The following SLC44A1 variants were observed in gnomAD, a reference collection of about 807,000 sequenced individuals.
SLC44A1 encodes solute carrier family 44 member 1.
In SLC44A1, 26 loss-of-function variants were observed where a neutral mutation model predicts 79.3. The observed-to-expected ratio is 0.33, with a 90% CI of 0.24 to 0.46. The LOEUF (loss-of-function observed/expected upper bound fraction) is 0.46. Among genes scored for constraint, SLC44A1 ranks in the 20% least tolerant of loss-of-function variants. SLC44A1 has a pLI of 1.00. For missense variants in SLC44A1, 688 were observed against 798.1 expected (o/e 0.86, Z 1.66); for synonymous variants, 263 against 286.2 (o/e 0.92, Z 0.82).
At position 105,413,411 on chromosome 9, in the gene SLC44A1, G is replaced by C. The variant is rs113110538; in HGVS notation, c.1951-24870G>C. ...ATTTCGCCTTCCCAATATAGGTGCC[G>C]CCCATCTTCCTGGTTTTCCCCTTCT... On this transcript the variant is annotated intron_variant, in intron 15 of 15. Coordinates refer to the SLC44A1 transcript ENST00000374724. Among the ~76,000 whole-genome samples, 217 of 152,248 alleles carry C rather than the reference G, an allele frequency of 1.4e-3. 1 individual carries two copies. Among genetic ancestry groups the C allele is most frequent in the Middle Eastern group, 0.014 (4 of 294 alleles).
At chr9:105,253,784 A>G (rs7020772) in intron 1 of SLC44A1, among the ~76,000 whole-genome samples, 28,657 of 151,912 alleles carry the variant, frequency 0.19, 4,452 homozygotes, top group African/African-American at 0.43. Flanking sequence ...GAGTGCAGTG[A>G]CACAATCTCA....
At chr9:105,428,946 C>T (rs972000336) in intron 15 of SLC44A1, among the ~76,000 whole-genome samples, 3 of 152,200 alleles carry the variant, frequency 2.0e-5, no homozygotes, top group Admixed American at 6.5e-5. Context: ...CCTCGTGATC[C>T]GCCTGCCTTA....
At chr9:105,278,415 A>G (rs1017611180) in intron 1 of SLC44A1, among the ~76,000 whole-genome samples, 1 of 151,950 alleles carries the variant, frequency 6.6e-6, no homozygotes, top group Non-Finnish European at 1.5e-5. Flanking sequence ...CGCCCGGTTA[A>G]TTTTTTGTAT....
chr9:105,334,764 C>T (rs978115618), intron 3 of SLC44A1, among the ~76,000 whole-genome samples: 17 of 152,156 alleles, frequency 1.1e-4, no homozygotes, highest in Admixed American at 2.6e-4. Context: ...AAAATACATG[C>T]TTTGGCGTGC....
Position 105,394,613 on chromosome 9 carries a change from T to C in SLC44A1, c.*5557T>C. On this transcript the variant is annotated 3_prime_UTR_variant, in exon 16 of 16. Coordinates refer to ENST00000374720, the MANE Select transcript of SLC44A1 (RefSeq NM_080546.5). ...TTATTGTAGCTCAGCTATGACATTA[T>C]GACATTATGTGGCTTAGTGTTATCA... The C allele has an allele frequency of 1.0e-6, 1 of 985,362 alleles. No homozygotes were observed. The highest frequency in any genetic ancestry group is 1.2e-6 in the Non-Finnish European group (1 of 829,864). The allele number at this position is 985,362 out of a possible 1,614,324, so 61.0% of individuals were successfully genotyped here.
chr9:105,434,217 G>A (rs1417324078), intron 15 of SLC44A1, among the ~76,000 whole-genome samples: 1 of 152,026 alleles, frequency 6.6e-6, no homozygotes, highest in Non-Finnish European at 1.5e-5. Flanking sequence ...ATGCATGCCC[G>A]TAATCCCAGC....
intron 3 of SLC44A1, among the ~76,000 whole-genome samples, chr9:105,331,274 TAA>T (rs1826740709): frequency 2.0e-5 from 3 of 152,166 alleles, no homozygotes; most frequent in Non-Finnish European, 4.4e-5. Flanking sequence ...CCAAGGCACA[TAA>T]TCAGAGTTGG....
chr9:105,386,171 T>C (rs1007626055), intron 15 of SLC44A1: 69 of 981,770 alleles, frequency 7.0e-5, no homozygotes, highest in Non-Finnish European at 8.3e-5. Flanking sequence ...TGTACACAAA[T>C]ATATCTCTCT....
At chr9:105,433,142 A>T (rs900222668) in intron 15 of SLC44A1, among the ~76,000 whole-genome samples, 2 of 152,042 alleles carry the variant, frequency 1.3e-5, no homozygotes, top group African/African-American at 4.8e-5. Context: ...CTAAAAATAC[A>T]AAAATTAGCC....
intron 2 of SLC44A1, among the ~76,000 whole-genome samples, chr9:105,306,155 G>A (rs1026411658): frequency 3.9e-5 from 6 of 152,232 alleles, no homozygotes; most frequent in East Asian, 1.9e-4. Context: ...CATTTTAGCC[G>A]TGGTTTTCTT....
intron 4 of SLC44A1, among the ~76,000 whole-genome samples, chr9:105,341,335 C>CAA (rs529318721): frequency 1.2e-3 from 79 of 65,190 alleles, no homozygotes; most frequent in African/African-American, 3.3e-3. Context: ...AACTTCGTCT[C>CAA]AAAAAAAAAA....
intron 2 of SLC44A1, among the ~76,000 whole-genome samples, 176 bp downstream of exon 2, chr9:105,299,485 T>A (rs546408780): frequency 6.6e-6 from 1 of 152,368 alleles, no homozygotes; most frequent in East Asian, 1.9e-4. Context: ...AAGGAGCAGC[T>A]GGGACTCATA....
At chr9:105,374,780 T>C in intron 13 of SLC44A1, 45 bp downstream of exon 13, 1 of 1,458,158 alleles carries the variant, frequency 6.9e-7, no homozygotes, top group Non-Finnish European at 9.5e-7. Context: ...AAATTTTGCA[T>C]ATATTTATTT....
At chr9:105,420,899 A>C (rs532551838) in intron 15 of SLC44A1, among the ~76,000 whole-genome samples, 4 of 148,798 alleles carry the variant, frequency 2.7e-5, no homozygotes, top group African/African-American at 9.8e-5. Flanking sequence ...AGGATGGTCT[A>C]GATAGACGTG....
At chr9:105,269,061 T>C (rs1446089049) in intron 1 of SLC44A1, among the ~76,000 whole-genome samples, 1 of 152,210 alleles carries the variant, frequency 6.6e-6, no homozygotes, top group Non-Finnish European at 1.5e-5. Flanking sequence ...TGCCCAGCTT[T>C]ATAGACTGTC....
At chr9:105,246,838 T>G (rs1829465134) in intron 1 of SLC44A1, among the ~76,000 whole-genome samples, 2 of 152,214 alleles carry the variant, frequency 1.3e-5, no homozygotes, top group African/African-American at 2.4e-5. Context: ...TAGTGGGTCT[T>G]GCATTTGTCT....
At chr9:105,350,007 C>G (rs1389523738) in intron 5 of SLC44A1, among the ~76,000 whole-genome samples, 1 of 152,138 alleles carries the variant, frequency 6.6e-6, no homozygotes, top group Non-Finnish European at 1.5e-5. Flanking sequence ...TAGGGGTATT[C>G]ACTGGAAGAC....
intron 1 of SLC44A1, among the ~76,000 whole-genome samples, chr9:105,279,860 T>A (rs1830310022): frequency 6.6e-6 from 1 of 152,218 alleles, no homozygotes; most frequent in African/African-American, 2.4e-5. Flanking sequence ...GTGCTGTATT[T>A]GGTAAGTATA....
chr9:105,414,085 CAG>C (rs1309905814), intron 15 of SLC44A1, among the ~76,000 whole-genome samples: 9 of 146,206 alleles, frequency 6.2e-5, no homozygotes, highest in African/African-American at 2.3e-4. Context: ...TTTTTTGAGA[CAG>C]AGTCTTGCTC....
Sources: allele counts gnomAD v4.1 joint callset (sites outside exome capture counted in the v4.1 genomes callset), GRCh38; gene constraint gnomAD v4.1.1; transcripts MANE v1.5; gene names NCBI Gene and HGNC (gene_info 2026-07-23, HGNC 2026-07-21).